The following EBF1 variants were observed in gnomAD, a reference collection of about 807,000 sequenced individuals.
The protein encoded by EBF1 is EBF transcription factor 1, also known as transcription factor COE1.
A neutral mutation model predicts 68.4 loss-of-function variants in EBF1; 10 were observed. That is an observed-to-expected ratio of 0.15 (90% CI 0.09 to 0.25). The LOEUF (loss-of-function observed/expected upper bound fraction) is 0.25, where lower values mean the gene tolerates loss of function less well. Among genes scored for constraint, EBF1 ranks in the 10% least tolerant of loss-of-function variants. EBF1 has a pLI of 1.00. For missense variants in EBF1, 509 were observed against 794.4 expected, an observed-to-expected ratio of 0.64 and a Z score of 4.32; for synonymous variants, 298 against 299.8, an observed-to-expected ratio of 0.99 and a Z score of 0.06.
rs1301117234 is a variant in EBF1, at chr5:158,696,402, A to G, written c.*2709T>C. The G allele has an allele frequency of 1.4e-5, 3 of 221,934 alleles. No individual in the cohort carries two copies. The highest frequency in any genetic ancestry group is 2.7e-5 in the Non-Finnish European group (3 of 111,036). 13.7% of individuals were successfully genotyped at this position (221,934 alleles called of 1,614,324 possible). A position where few individuals can be genotyped will look rare whatever the true frequency, so the allele number is the denominator to read the frequency against. On this transcript the variant is annotated 3_prime_UTR_variant, in exon 16 of 16. Transcript: ENST00000313708. The stretch of plus-strand genomic sequence containing the variant: ...TTAAAGGCTCTTTGGACTTTCAAGA[A>G]GAGTTCTAACCACTGCACATGGCTG...
intron 6 of EBF1, among the ~76,000 whole-genome samples, chr5:158,972,272 A>G (rs1755802658): frequency 6.6e-6 from 1 of 151,994 alleles, no homozygotes. Context: ...CCCTCAGCTG[A>G]CTTTATTTCA....
intron 7 of EBF1, among the ~76,000 whole-genome samples, chr5:158,836,591 C>T (rs939200705): frequency 8.5e-5 from 13 of 152,122 alleles, no homozygotes; most frequent in African/African-American, 3.1e-4. Flanking sequence ...CTTTAACTCT[C>T]GAGGCAATTC....
At chr5:159,098,544 T>C (rs1783063343) in intron 1 of EBF1, among the ~76,000 whole-genome samples, 1 of 138,694 alleles carries the variant, frequency 7.2e-6, no homozygotes, top group Admixed American at 7.3e-5. Flanking sequence ...GCCAGAGAGG[T>C]AAGGAAAGGA....
At chr5:158,824,925 T>C (rs1785711334) in intron 7 of EBF1, among the ~76,000 whole-genome samples, 1 of 152,224 alleles carries the variant, frequency 6.6e-6, no homozygotes, top group South Asian at 2.1e-4. Flanking sequence ...CCCATACTAG[T>C]AGCATAAGGT....
At chr5:158,710,764 A>G (rs1436132836) in intron 14 of EBF1, among the ~76,000 whole-genome samples, 1 of 152,254 alleles carries the variant, frequency 6.6e-6, no homozygotes, top group Non-Finnish European at 1.5e-5. Context: ...CCATACTTTC[A>G]CTATGAGACA....
At position 158,696,190 on chromosome 5, in the gene EBF1, T is replaced by G. The variant is rs1755731550; in HGVS notation, c.*2921A>C. The G allele has an allele frequency of 9.2e-6, 2 of 217,306 alleles. No individual in the cohort carries two copies. The highest frequency in any genetic ancestry group is 1.9e-5 in the Non-Finnish European group (2 of 108,052). The allele number at this position is 217,306 out of a possible 1,614,324, so 13.5% of individuals were successfully genotyped here. On this transcript the variant is annotated 3_prime_UTR_variant, in exon 16 of 16. Coordinates refer to ENST00000313708, the MANE Select transcript of EBF1 (RefSeq NM_024007.5). The stretch of plus-strand genomic sequence containing the variant: ...ATCCAGTCATCCAGAAGCTGTATTT[T>G]TTCCCCCAACACTGAAATCTTAATT...
intron 8 of EBF1, among the ~76,000 whole-genome samples, chr5:158,801,001 G>A (rs1780472263): frequency 6.6e-6 from 1 of 152,086 alleles, no homozygotes; most frequent in South Asian, 2.1e-4. Context: ...CAAGGCCAGT[G>A]ACCCAATTTC....
At chr5:159,062,360 CCG>C (rs1776019558) in intron 6 of EBF1, among the ~76,000 whole-genome samples, 1 of 152,118 alleles carries the variant, frequency 6.6e-6, no homozygotes, top group South Asian at 2.1e-4. Flanking sequence ...AGGCAAGCTC[CCG>C]TCTGCCCAGG....
chr5:158,844,188 CTTTT>C (rs10640628), intron 6 of EBF1, among the ~76,000 whole-genome samples: 2 of 126,344 alleles, frequency 1.6e-5, no homozygotes, highest in Admixed American at 8.2e-5. Flanking sequence ...TAACTCAAGC[CTTTT>C]TTTTTTTTTT....
At chr5:159,098,131 C>G (rs1463504992) in intron 1 of EBF1, among the ~76,000 whole-genome samples, 1 of 152,240 alleles carries the variant, frequency 6.6e-6, no homozygotes, top group Non-Finnish European at 1.5e-5. Flanking sequence ...CTTCCCCTTC[C>G]GCACTCTGAG....
intron 6 of EBF1, among the ~76,000 whole-genome samples, chr5:158,841,062 T>C (rs1024327513): frequency 1.3e-5 from 2 of 152,158 alleles, no homozygotes; most frequent in East Asian, 1.9e-4. Flanking sequence ...GGTTTCTGAA[T>C]TGGTTCTGTA....
intron 6 of EBF1, among the ~76,000 whole-genome samples, chr5:158,931,002 CT>C: frequency 6.6e-6 from 1 of 152,206 alleles, no homozygotes; most frequent in African/African-American, 2.4e-5. Context: ...CATTTTTAAT[CT>C]TTCATTTTTA....
At chr5:158,721,750 A>C (rs565692636) in intron 11 of EBF1, among the ~76,000 whole-genome samples, 1 of 152,290 alleles carries the variant, frequency 6.6e-6, no homozygotes, top group South Asian at 2.1e-4. Flanking sequence ...ATGAGGTGCC[A>C]AGCTTCCCTT....
intron 8 of EBF1, among the ~76,000 whole-genome samples, chr5:158,803,071 A>T (rs1780905314): frequency 1.3e-5 from 2 of 152,126 alleles, no homozygotes; most frequent in Non-Finnish European, 2.9e-5. Context: ...CCTGGAATGA[A>T]TATTAATGGG....
intron 6 of EBF1, among the ~76,000 whole-genome samples, chr5:158,988,615 G>A (rs1263858829): frequency 6.6e-6 from 1 of 152,190 alleles, no homozygotes; most frequent in Non-Finnish European, 1.5e-5. Context: ...GGGAGGAGTT[G>A]AGGGGATAGG....
Position 158,817,714 on chromosome 5 carries a change from T to A in EBF1, c.778+5462A>T, listed in dbSNP as rs1433862381. Among the ~76,000 whole-genome samples, 10 of 152,336 alleles carry A rather than the reference T, an allele frequency of 6.6e-5. 1 individual carries two copies. In the East Asian group the frequency reaches 1.5e-3, roughly 23 times the overall value. ...AGGCTTCCCTGACACTTCATTACTC[T>A]CCTCTGCTTTTGTGGTCCCCCTTTG... On this transcript the variant is annotated intron_variant, in intron 8 of 15. Transcript: ENST00000313708.
chr5:159,071,245 G>A (rs137946661), intron 6 of EBF1, among the ~76,000 whole-genome samples: 237 of 152,286 alleles, frequency 1.6e-3, no homozygotes, highest in African/African-American at 4.4e-3. Flanking sequence ...AACAGCCAGC[G>A]AATAAACATA....
chr5:159,005,140 CA>C (rs1561770671), intron 6 of EBF1, among the ~76,000 whole-genome samples: 1 of 152,192 alleles, frequency 6.6e-6, no homozygotes, highest in Non-Finnish European at 1.5e-5. Context: ...GAACATCCCA[CA>C]AGGGAGGAAA....
intron 6 of EBF1, among the ~76,000 whole-genome samples, chr5:158,911,547 T>C (rs964136958): frequency 1.2e-4 from 19 of 152,158 alleles, no homozygotes; most frequent in African/African-American, 4.3e-4. Flanking sequence ...TTCTTTTCCA[T>C]CTCATCTAAA....
Sources: gnomAD v4.1 joint callset for allele counts (sites outside exome capture counted in the v4.1 genomes callset) on GRCh38, gnomAD v4.1.1 for gene constraint, MANE v1.5 for transcripts, NCBI Gene and HGNC (gene_info 2026-07-23, HGNC 2026-07-21) for gene names.